The following DEAF1 variants were observed in gnomAD, a reference collection of about 807,000 sequenced individuals.
DEAF1 encodes deformed epidermal autoregulatory factor 1 homolog.
DEAF1 carries 53 observed loss-of-function variants against 58.9 expected under a neutral mutation model. That is an observed-to-expected ratio of 0.90 (90% CI 0.72 to 1.13). The LOEUF is 1.13. Ranked by LOEUF, DEAF1 falls within the 50% of genes most tolerant of loss-of-function variation. The probability of loss-of-function intolerance (pLI) is 0.00; values close to 1 mark genes in which losing one functional copy is unlikely to be tolerated. For synonymous variants in DEAF1, 385 were observed against 340.4 expected (o/e 1.13, Z -1.44); for missense variants, 685 against 791.4 (o/e 0.87, Z 1.61).
At chr11:655,172 TC>T (rs1457951397) in intron 10 of DEAF1, among the ~76,000 whole-genome samples, 1 of 152,046 alleles carries the variant, frequency 6.6e-6, no homozygotes, top group Non-Finnish European at 1.5e-5. Context: ...AGTCCACCGC[TC>T]CCAACACTCC....
chr11:655,746 TCA>T lies in DEAF1; in HGVS notation c.1504-1697_1504-1696del, dbSNP rs199503632. Among the ~76,000 whole-genome samples the T allele has an allele frequency of 8.2e-3, 1,256 of 152,358 alleles. 17 individuals carry two copies. Among genetic ancestry groups the T allele is most frequent in the African/African-American group, 0.029 (1,200 of 41,584 alleles). The stretch of plus-strand genomic sequence containing the variant: ...TGTAAGACATTCAGAGCTCCGACAT[TCA>T]GTCACTCACTTCAGAAAACAGGAGC... On this transcript the variant is annotated intron_variant, in intron 10 of 11. Transcript: ENST00000382409.
chr11:691,502 A>AG lies in DEAF1; in HGVS notation c.385dup (p.Leu129ProfsTer4). ...GCTGTGCCCCTCGGAGCAGCTTACC[A>AG]GAACATGTCCTGAGATGGATGCCGC... On this transcript the variant is annotated frameshift_variant and splice_region_variant, in exon 2 of 12. Transcript: ENST00000382409. LOFTEE classifies it high-confidence loss of function. 6.2e-7 allele frequency: 1 copy of AG among 1,612,450 alleles called. No homozygotes were observed. Among genetic ancestry groups the AG allele is most frequent in the Non-Finnish European group, 8.5e-7 (1 of 1,179,970 alleles).
At chr11:692,950 G>A (rs1023347959) in intron 1 of DEAF1, among the ~76,000 whole-genome samples, 4 of 151,992 alleles carry the variant, frequency 2.6e-5, no homozygotes, top group Admixed American at 6.6e-5. Context: ...CACAAGCCCC[G>A]GCATGCGGCG....
intron 11 of DEAF1, among the ~76,000 whole-genome samples, chr11:649,715 G>A (rs931943266): frequency 1.1e-4 from 16 of 150,862 alleles, no homozygotes; most frequent in Admixed American, 3.3e-4. Context: ...GTGATACTCT[G>A]TCTCAATTCA....
intron 10 of DEAF1, among the ~76,000 whole-genome samples, chr11:655,117 A>G (rs529931647): frequency 5.5e-4 from 82 of 148,050 alleles, no homozygotes; most frequent in Admixed American, 1.2e-3. Flanking sequence ...CCAAACTCCA[A>G]GGAGCTTCAC....
intron 10 of DEAF1, among the ~76,000 whole-genome samples, chr11:671,826 T>TAAAAAAAAAAAA (rs35325757): frequency 3.1e-5 from 2 of 63,644 alleles, no homozygotes; most frequent in African/African-American, 6.9e-5. Context: ...CCTTACCTCT[T>TAAAAAAAAAAAA]AAAAAAAAAA....
intron 10 of DEAF1, among the ~76,000 whole-genome samples, chr11:660,744 T>C (rs1452466222): frequency 6.6e-6 from 1 of 152,228 alleles, no homozygotes; most frequent in African/African-American, 2.4e-5. Flanking sequence ...TGGCCGGGCC[T>C]ATTTGGCTCA....
intron 1 of DEAF1, among the ~76,000 whole-genome samples, chr11:694,111 C>A (rs1037245395): frequency 1.1e-4 from 16 of 152,264 alleles, no homozygotes; most frequent in Admixed American, 6.5e-5. Context: ...TGCCCACCCA[C>A]CCCAGGGCTT....
chr11:694,935 T>G lies in DEAF1; in HGVS notation c.113A>C (p.Glu38Ala). ...AAAAAAGGEA[E>A]EPVLSRDEDS... ...CTCGTCCCTGCTCAGCACCGGCTCC[T>G]CCGCCTCGCCTCCTGCCGCGGCCGC... Residue 38 changes from glutamate (E) to alanine (A), a missense_variant, in exon 1 of 12, where the codon GAG becomes GCG. This residue lies in a region of DEAF1 where 210 missense variants were observed against 177.3 expected (regional missense o/e 1.18). Transcript: ENST00000382409. 2.4e-6 allele frequency: 3 copies of G among 1,263,850 alleles called. No individual in the cohort carries two copies. Among genetic ancestry groups the G allele is most frequent in the Non-Finnish European group, 3.0e-6 (3 of 996,844 alleles). The allele number at this position is 1,263,850 out of a possible 1,614,324, so 78.3% of individuals were successfully genotyped here.
At chr11:703,833 G>C in intron 1 of DEAF1, 1 of 1,234,876 alleles carries the variant, frequency 8.1e-7, no homozygotes, top group Non-Finnish European at 1.0e-6. Context: ...CTAAGGCCGG[G>C]GATGAGACTG....
intron 6 of DEAF1, among the ~76,000 whole-genome samples, chr11:681,592 A>G (rs922795425): frequency 2.0e-5 from 3 of 151,736 alleles, no homozygotes; most frequent in African/African-American, 7.3e-5. Flanking sequence ...TTGTATTTTT[A>G]GTAGAGACGG....
chr11:670,758 CTTTTTTCTTTTTG>C (rs760422350), intron 10 of DEAF1, among the ~76,000 whole-genome samples: 2 of 96,598 alleles, frequency 2.1e-5, no homozygotes, highest in Middle Eastern at 5.6e-3. Context: ...TTTTTAATTT[CTTTTTTCTTTTTG>C]TTTTTGTTTT....
intron 9 of DEAF1, among the ~76,000 whole-genome samples, chr11:676,862 T>C (rs1860103603): frequency 6.6e-6 from 1 of 152,146 alleles, no homozygotes; most frequent in African/African-American, 2.4e-5. Context: ...CCTGAGGTTC[T>C]GCACTGGAAC....
intron 10 of DEAF1, among the ~76,000 whole-genome samples, chr11:655,592 C>T (rs1859007571): frequency 1.3e-5 from 2 of 152,188 alleles, no homozygotes; most frequent in Admixed American, 6.5e-5. Context: ...CTGTGAGCAG[C>T]ACAGAGCAGC....
rs200287330 is a variant in DEAF1, at chr11:673,225, GTTC to G, written c.1503+1308_1503+1310del. ...AATAAAATAAATACATAAATAAAAAGTTCTTCTATAAAAAGTAGAAGCTGGGCA... is the reference window on the plus strand; with the variant it reads ...AATAAAATAAATACATAAATAAAAAGTTCTATAAAAAGTAGAAGCTGGGCA... On this transcript the variant is annotated intron_variant, in intron 10 of 11. Transcript: ENST00000382409. Among the ~76,000 whole-genome samples the G allele has an allele frequency of 1.5e-3, 223 of 152,168 alleles. 2 individuals are homozygous for G. Among genetic ancestry groups the G allele is most frequent in the African/African-American group, 5.1e-3 (210 of 41,530 alleles).
intron 1 of DEAF1, among the ~76,000 whole-genome samples, chr11:693,208 T>C (rs955539051): frequency 1.3e-5 from 2 of 152,252 alleles, no homozygotes; most frequent in African/African-American, 4.8e-5. Context: ...ATCATTTTTC[T>C]TTTATGCATT....
intron 1 of DEAF1, chr11:703,416 ACT>A: frequency 7.6e-7 from 1 of 1,311,146 alleles, no homozygotes; most frequent in East Asian, 3.0e-5. Flanking sequence ...AGGAGCGCAC[ACT>A]CAGCCCTGTC....
intron 10 of DEAF1, among the ~76,000 whole-genome samples, chr11:666,873 CAAAAAA>C (rs532628897): frequency 0.014 from 861 of 60,280 alleles, 10 homozygotes; most frequent in African/African-American, 0.05. Flanking sequence ...ACTCTGTCTC[CAAAAAA>C]AAAAAAAAAA....
intron 6 of DEAF1, among the ~76,000 whole-genome samples, 191 bp from the exon 7 acceptor site, chr11:681,280 G>A (rs754695205): frequency 9.2e-5 from 14 of 152,126 alleles, no homozygotes; most frequent in Non-Finnish European, 1.3e-4. Flanking sequence ...AGCTGCCCAC[G>A]CTGGAGTGCA....
Sources: gnomAD v4.1 joint callset for allele counts (sites outside exome capture counted in the v4.1 genomes callset) on GRCh38, gnomAD v4.1.1 for gene constraint, gnomAD v4.1.1 regional missense constraint, MANE v1.5 for transcripts, NCBI Gene and HGNC (gene_info 2026-07-23, HGNC 2026-07-21) for gene names.